The following MAML2 variants were observed in gnomAD, a reference collection of about 807,000 sequenced individuals.
The protein encoded by MAML2 is mastermind like transcriptional coactivator 2.
A neutral mutation model predicts 96.1 loss-of-function variants in MAML2; 22 were observed. That is an observed-to-expected ratio of 0.23 (90% confidence interval 0.16 to 0.33). The LOEUF (loss-of-function observed/expected upper bound fraction) is 0.33. Among genes scored for constraint, MAML2 ranks in the 10% least tolerant of loss-of-function variants. MAML2 has a pLI of 1.00. For missense variants in MAML2, 1,367 were observed against 1,392.4 expected (o/e 0.98, Z 0.29); for synonymous variants, 561 against 521.3 (o/e 1.08, Z -1.04).
intron 1 of MAML2, among the ~76,000 whole-genome samples, chr11:96,140,607 T>C (rs1348952734): frequency 6.6e-6 from 1 of 152,218 alleles, no homozygotes; most frequent in Admixed American, 6.5e-5. Flanking sequence ...CTCCAGTTGA[T>C]ATAGCCTGGA....
intron 1 of MAML2, among the ~76,000 whole-genome samples, chr11:96,265,867 CAAT>C (rs1214259905): frequency 6.6e-6 from 1 of 152,168 alleles, no homozygotes; most frequent in Admixed American, 6.5e-5. Flanking sequence ...TTCTTCCACT[CAAT>C]AAAACCTTGC....
intron 1 of MAML2, among the ~76,000 whole-genome samples, chr11:96,232,533 G>C (rs962033229): frequency 6.6e-6 from 1 of 151,916 alleles, no homozygotes; most frequent in African/African-American, 2.4e-5. Context: ...GCAATGGTGC[G>C]ATCTCGGCTC....
intron 1 of MAML2, among the ~76,000 whole-genome samples, chr11:96,113,007 A>C (rs1310899679): frequency 6.6e-6 from 1 of 152,200 alleles, no homozygotes; most frequent in African/African-American, 2.4e-5. Context: ...ATCAGTGAGC[A>C]AAAAGGCAAC....
chr11:96,137,362 C>T (rs1860652499), intron 1 of MAML2, among the ~76,000 whole-genome samples: 1 of 152,190 alleles, frequency 6.6e-6, no homozygotes, highest in Non-Finnish European at 1.5e-5. Flanking sequence ...CTAAATTTCT[C>T]TTACTGTCTC....
chr11:96,329,201 T>C (rs1380691170), intron 1 of MAML2, among the ~76,000 whole-genome samples: 1 of 152,078 alleles, frequency 6.6e-6, no homozygotes, highest in Non-Finnish European at 1.5e-5. Context: ...AAATCAGTAC[T>C]CTCTCTAAAA....
chr11:96,161,783 C>A (rs1861107185), intron 1 of MAML2, among the ~76,000 whole-genome samples: 1 of 152,208 alleles, frequency 6.6e-6, no homozygotes, highest in Non-Finnish European at 1.5e-5. Context: ...ATTTTACCTT[C>A]CAGATATATC....
intron 2 of MAML2, among the ~76,000 whole-genome samples, chr11:96,075,134 T>C (rs57911100): frequency 0.02 from 3,038 of 152,318 alleles, 95 homozygotes; most frequent in African/African-American, 0.069. Flanking sequence ...AGCTAATACA[T>C]AGATTCCCTA....
At chr11:96,156,112 C>T (rs1182482362) in intron 1 of MAML2, among the ~76,000 whole-genome samples, 1 of 152,148 alleles carries the variant, frequency 6.6e-6, no homozygotes, top group African/African-American at 2.4e-5. Context: ...TGCTAACATG[C>T]TTCGCCTCCG....
chr11:95,976,793 A>C lies in MAML2; in HGVS notation c.*2155T>G, dbSNP rs546873501. The C allele has an allele frequency of 5.4e-6, 1 of 185,130 alleles. No individual in the cohort carries two copies. The highest frequency in any genetic ancestry group is 2.0e-4 in the South Asian group (1 of 5,120). 11.5% of individuals were successfully genotyped at this position (185,130 alleles called of 1,614,324 possible). On this transcript the variant is annotated 3_prime_UTR_variant, in exon 5 of 5. Coordinates refer to ENST00000524717, the MANE Select transcript of MAML2 (RefSeq NM_032427.4). ...AGGAGTGTAACTGGGAAGTGCTGGC[A>C]GATATATACAGTAACATGGAGGAGC...
intron 2 of MAML2, among the ~76,000 whole-genome samples, chr11:96,005,167 T>C (rs996958580): frequency 1.3e-5 from 2 of 152,238 alleles, no homozygotes; most frequent in African/African-American, 4.8e-5. Flanking sequence ...AATTACCCAT[T>C]CTGTGGTATT....
At chr11:96,148,682 A>G (rs1052916709) in intron 1 of MAML2, among the ~76,000 whole-genome samples, 3 of 149,416 alleles carry the variant, frequency 2.0e-5, no homozygotes, top group Non-Finnish European at 3.0e-5. Context: ...ACACACACAC[A>G]CACACACACA....
At chr11:96,124,025 G>C (rs1203136054) in intron 1 of MAML2, among the ~76,000 whole-genome samples, 1 of 151,008 alleles carries the variant, frequency 6.6e-6, no homozygotes, top group Non-Finnish European at 1.5e-5. Flanking sequence ...AGCCGAGATC[G>C]GGCCACTATA....
intron 1 of MAML2, among the ~76,000 whole-genome samples, chr11:96,331,895 C>T (rs1036144708): frequency 6.6e-6 from 1 of 150,948 alleles, no homozygotes; most frequent in Non-Finnish European, 1.5e-5. Context: ...AGGGCTTATA[C>T]AACTCTATAA....
chr11:96,039,587 A>G (rs1858774001), intron 2 of MAML2, among the ~76,000 whole-genome samples: 1 of 152,188 alleles, frequency 6.6e-6, no homozygotes, highest in Admixed American at 6.5e-5. Context: ...TAAATAGTTT[A>G]GGATAAGAAA....
intron 1 of MAML2, among the ~76,000 whole-genome samples, chr11:96,226,782 A>G (rs1862216893): frequency 6.6e-6 from 1 of 152,242 alleles, no homozygotes; most frequent in African/African-American, 2.4e-5. Flanking sequence ...CTTTACTATA[A>G]AAATGCACTT....
intron 1 of MAML2, among the ~76,000 whole-genome samples, chr11:96,101,357 T>G (rs1316501841): frequency 6.6e-6 from 1 of 152,216 alleles, no homozygotes; most frequent in Non-Finnish European, 1.5e-5. Context: ...CACTTCCCTG[T>G]GGAGAATGTT....
In MAML2 at chr11:96,307,956, G is replaced by A. The variant is rs961255061; in HGVS notation, c.513+33427C>T. Among the ~76,000 whole-genome samples the A allele has an allele frequency of 4.6e-5, 7 of 152,258 alleles. 1 individual carries two copies. The highest frequency in any genetic ancestry group is 2.6e-4 in the Admixed American group (4 of 15,292). On this transcript the variant is annotated intron_variant, in intron 1 of 4. Coordinates refer to ENST00000524717, the MANE Select transcript of MAML2 (RefSeq NM_032427.4). ...CATTTTATAGGGGAAAGGAAGAGGA[G>A]GGTGGAAGAGAGTCCTGGCTTCATG...
At chr11:96,167,319 GC>G (rs5793783) in intron 1 of MAML2, among the ~76,000 whole-genome samples, 35,220 of 151,938 alleles carry the variant, frequency 0.23, 4,411 homozygotes, top group East Asian at 0.47. Context: ...CAAATCTCTT[GC>G]TCTTACTCCT....
rs1402835264 is a variant in MAML2, at chr11:96,184,683, A to G, written c.514-91166T>C. ...GGGCTCACTGCTAGCTCCGCCTCCC[A>G]GGTTCACGCCATTCTCCTGCCTCAG... On this transcript the variant is annotated intron_variant, in intron 1 of 4. Coordinates refer to ENST00000524717, the MANE Select transcript of MAML2 (RefSeq NM_032427.4). Among the ~76,000 whole-genome samples, 18 of 143,934 alleles carry G rather than the reference A, an allele frequency of 1.3e-4. No individual in the cohort carries two copies. The Admixed American group carries it at 1.3e-3, about 11-fold the overall frequency. The allele number at this position is 143,934 out of a possible 152,430, so 94.4% of individuals were successfully genotyped here.
Sources: allele counts gnomAD v4.1 joint callset (sites outside exome capture counted in the v4.1 genomes callset), GRCh38; gene constraint gnomAD v4.1.1; transcripts MANE v1.5; gene names NCBI Gene and HGNC (gene_info 2026-07-23, HGNC 2026-07-21).